NBAS: variants seen among roughly 807,000 people sequenced by gnomAD.
NBAS encodes the protein NBAS subunit of NRZ tethering complex, also known as NAG/BC035112 fusion.
NBAS carries 219 observed loss-of-function variants against 302.5 expected under a neutral mutation model. That is an observed-to-expected ratio of 0.72 (90% CI 0.65 to 0.81). NBAS has a LOEUF of 0.81. NBAS is among the 30% of genes least tolerant of loss of function. The pLI is 0.00. For synonymous variants in NBAS, 1,118 were observed against 1,021.6 expected, an observed-to-expected ratio of 1.09 and a Z score of -1.80; for missense variants, 2,932 against 2,841.6, an observed-to-expected ratio of 1.03 and a Z score of -0.72.
At chr2:15,415,826 T>G (rs1558317904) in intron 24 of NBAS, 107 bp from the exon 25 acceptor site, 2 of 1,171,180 alleles carry the variant, frequency 1.7e-6, no homozygotes, top group Non-Finnish European at 2.5e-6. Context: ...AGACTGATGT[T>G]AAACAGTGCA....
At chr2:15,282,246 C>A (rs1669857225) in intron 42 of NBAS, among the ~76,000 whole-genome samples, 1 of 152,128 alleles carries the variant, frequency 6.6e-6, no homozygotes, top group Admixed American at 6.6e-5. Context: ...ATTAACCACT[C>A]TCACACTAAC....
At chr2:15,306,998 G>A (rs1365856602) in intron 40 of NBAS, among the ~76,000 whole-genome samples, 1 of 152,212 alleles carries the variant, frequency 6.6e-6, no homozygotes, top group Non-Finnish European at 1.5e-5. Context: ...TCCTCACAGT[G>A]AGAAGGGACC....
intron 9 of NBAS, among the ~76,000 whole-genome samples, chr2:15,515,365 G>C (rs1662339690): frequency 6.6e-6 from 1 of 152,120 alleles, no homozygotes; most frequent in African/African-American, 2.4e-5. Context: ...CATGCCAAGG[G>C]GCCAGCCTGG....
At position 15,490,133 on chromosome 2, in the gene NBAS, CA is replaced by C. The variant is rs1220111128; in HGVS notation, c.955-1112del. Among the ~76,000 whole-genome samples, 75 of 152,212 alleles carry C rather than the reference CA, an allele frequency of 4.9e-4. 1 individual carries two copies. Among genetic ancestry groups the C allele is most frequent in the African/African-American group, 1.7e-3 (71 of 41,550 alleles). ...ACTAGCTATAGAACTGAAAATGAAA[CA>C]TGACTATACTGAAAATCAAAATTAT... On this transcript the variant is annotated intron_variant, in intron 11 of 51. Transcript: ENST00000281513.
the NBAS span, among the ~76,000 whole-genome samples, chr2:14,826,552 T>A: frequency 6.6e-6 from 1 of 152,232 alleles, no homozygotes; most frequent in Non-Finnish European, 1.5e-5. Flanking sequence ...CAATCTCTCC[T>A]CTTGCATCTG....
At chr2:15,049,277 T>C in the NBAS span, among the ~76,000 whole-genome samples, 1 of 152,316 alleles carries the variant, frequency 6.6e-6, no homozygotes, top group Non-Finnish European at 1.5e-5. Flanking sequence ...AGTCAGGCTT[T>C]GGCCACCTGC....
At chr2:15,262,222 C>T (rs1297981496) in intron 44 of NBAS, among the ~76,000 whole-genome samples, 3 of 152,196 alleles carry the variant, frequency 2.0e-5, no homozygotes, top group African/African-American at 4.8e-5. Flanking sequence ...TACCAGGTAT[C>T]GTCCTGCAAC....
intron 31 of NBAS, among the ~76,000 whole-genome samples, chr2:15,369,430 C>A (rs187169415): frequency 6.6e-6 from 1 of 152,196 alleles, no homozygotes; most frequent in Non-Finnish European, 1.5e-5. Flanking sequence ...ATGCACACTA[C>A]TAATATTTGA....
At chr2:15,232,541 A>G in intron 46 of NBAS, 30 bp from the exon 47 acceptor site, 1 of 1,595,446 alleles carries the variant, frequency 6.3e-7, no homozygotes, top group Non-Finnish European at 8.6e-7. Context: ...CTGATTCAGA[A>G]AAGGATCACT....
At chr2:14,829,805 T>C in the NBAS span, among the ~76,000 whole-genome samples, 4 of 152,230 alleles carry the variant, frequency 2.6e-5, no homozygotes, top group Non-Finnish European at 5.9e-5. Flanking sequence ...CATCTTGACA[T>C]ACCTATCAGA....
Position 15,167,252 on chromosome 2 carries a change from GAC to G in NBAS, c.6910_6911del (p.Val2304LeufsTer10), listed in dbSNP as rs1558402832. Reference protein sequence around the residue: ...LLDAKLLVKCVSTPFYPRIVD... With the variant: ...LLDAKLLVKCXSTPFYPRIVD... ...CAATACGTGGATAGAAGGGAGTGGA[GAC>G]ACACTTCACCAGCAGCTTGGCATCC... is the stretch of plus-strand genomic sequence containing the variant. On this transcript the variant is annotated frameshift_variant, in exon 52 of 52. Coordinates refer to ENST00000281513, the MANE Select transcript of NBAS (RefSeq NM_015909.4). LOFTEE classifies it low-confidence loss of function (END_TRUNC). The G allele has an allele frequency of 6.2e-7, 1 of 1,614,240 alleles. No individual in the cohort carries two copies. Among genetic ancestry groups the G allele is most frequent in the Non-Finnish European group, 8.5e-7 (1 of 1,180,036 alleles).
At chr2:15,464,435 A>AT (rs1679637638) in intron 19 of NBAS, among the ~76,000 whole-genome samples, 1 of 152,050 alleles carries the variant, frequency 6.6e-6, no homozygotes, top group Admixed American at 6.6e-5. Flanking sequence ...AGAAAGAAAC[A>AT]TATCTCTGCT....
intron 35 of NBAS, among the ~76,000 whole-genome samples, chr2:15,343,510 T>A (rs950491686): frequency 3.9e-5 from 6 of 152,242 alleles, no homozygotes; most frequent in Admixed American, 1.3e-4. Context: ...AAATAATTCA[T>A]TTGCCATCTT....
the NBAS span, among the ~76,000 whole-genome samples, chr2:15,128,631 T>C: frequency 6.6e-6 from 1 of 152,002 alleles, no homozygotes; most frequent in Non-Finnish European, 1.5e-5. Context: ...GGGTGTGCAA[T>C]GGCATGGAGG....
rs1266252712 is a variant in NBAS, at chr2:15,340,676, A to G, written c.4180-9911T>C. Among the ~76,000 whole-genome samples the G allele has an allele frequency of 2.0e-5, 3 of 152,248 alleles. No individual in the cohort carries two copies. The East Asian group carries it at 5.8e-4, about 29-fold the overall frequency. ...ATGCATCTAAGGAATGAGTGTAGAC[A>G]GAGATGATGTTTAAAGACTATGACC... On this transcript the variant is annotated intron_variant, in intron 35 of 51. Coordinates refer to ENST00000281513, the MANE Select transcript of NBAS (RefSeq NM_015909.4).
chr2:15,445,281 T>C (rs532551596), intron 21 of NBAS, among the ~76,000 whole-genome samples: 33 of 144,928 alleles, frequency 2.3e-4, no homozygotes, highest in Non-Finnish European at 4.6e-4. Context: ...ATAGACTGGA[T>C]TAAGAAAATG....
At chr2:15,240,969 A>C (rs1225677623) in intron 44 of NBAS, among the ~76,000 whole-genome samples, 1 of 152,118 alleles carries the variant, frequency 6.6e-6, no homozygotes, top group Non-Finnish European at 1.5e-5. Context: ...GAGCTCCAGG[A>C]GGCTCAGTGG....
the NBAS span, among the ~76,000 whole-genome samples, chr2:14,932,408 T>G: frequency 6.6e-6 from 1 of 152,252 alleles, no homozygotes; most frequent in African/African-American, 2.4e-5. Context: ...TATGTTCTTT[T>G]AACTATTGTT....
chr2:14,853,999 C>G, the NBAS span, among the ~76,000 whole-genome samples: 1 of 143,834 alleles, frequency 7.0e-6, no homozygotes, highest in Middle Eastern at 3.6e-3. Context: ...GTGCAGCGCA[C>G]CAGCATGGCA....
Sources: gnomAD v4.1 joint callset for allele counts (sites outside exome capture counted in the v4.1 genomes callset) on GRCh38, gnomAD v4.1.1 for gene constraint, MANE v1.5 for transcripts, NCBI Gene and HGNC (gene_info 2026-07-23, HGNC 2026-07-21) for gene names.